DNAJC10: variants seen among roughly 807,000 people sequenced by gnomAD.
DNAJC10 encodes the protein DnaJ heat shock protein family (Hsp40) member C10, also known as endoplasmic reticulum disulfide reductase DNAJC10.
In DNAJC10, 101 loss-of-function variants were observed where a neutral mutation model predicts 115.0. That is an observed-to-expected ratio of 0.88 (90% CI 0.75 to 1.04). The LOEUF (loss-of-function observed/expected upper bound fraction) is 1.04. Ranked by LOEUF, DNAJC10 falls within the 50% of genes least tolerant of loss-of-function variation. The pLI is 0.00. For synonymous variants in DNAJC10, 307 were observed against 301.5 expected, an observed-to-expected ratio of 1.02 and a Z score of -0.19; for missense variants, 981 against 928.8, an observed-to-expected ratio of 1.06 and a Z score of -0.73.
chr2:182,740,355 A>T lies in DNAJC10; in HGVS notation c.1044A>T (p.Pro348=). 6.4e-7 allele frequency: 1 copy of T among 1,569,982 alleles called. No individual in the cohort carries two copies. The highest frequency in any genetic ancestry group is 1.3e-5 in the South Asian group (1 of 79,830). Residue 348 remains proline (P), a synonymous_variant, in exon 12 of 24, where the codon CCA becomes CCT. Coordinates refer to ENST00000264065, the MANE Select transcript of DNAJC10 (RefSeq NM_018981.4). ...ATTTGGAAGTAATACATAATCTTCC[A>T]GATTTTGAACTACTTTCGGCAAACA... ...EIYLEVIHNL[P]DFELLSANTL...
chr2:182,743,763 G>C, intron 14 of DNAJC10, 51 bp downstream of exon 14: 1 of 1,305,208 alleles, frequency 7.7e-7, no homozygotes, highest in Middle Eastern at 1.9e-4. Context: ...TTTTCAAATA[G>C]AAGTTTTCTA....
chr2:182,762,635 T>C (rs755747013), intron 21 of DNAJC10, 47 bp from the exon 22 acceptor site: 31 of 1,600,040 alleles, frequency 1.9e-5, no homozygotes, highest in Middle Eastern at 3.3e-4. Context: ...GTTGCCAAAA[T>C]AGTTTATGCC....
At chr2:182,751,891 C>G in intron 15 of DNAJC10, 106 bp downstream of exon 15, 4 of 1,428,966 alleles carry the variant, frequency 2.8e-6, no homozygotes, top group Non-Finnish European at 3.8e-6. Context: ...AAAACTGTGT[C>G]ATTCCATTAT....
intron 13 of DNAJC10, among the ~76,000 whole-genome samples, chr2:182,742,434 CCCA>C (rs1559008769): frequency 6.6e-6 from 1 of 152,200 alleles, no homozygotes. Context: ...AGGTGATCCA[CCCA>C]CCTCAGCCTC....
intron 16 of DNAJC10, chr2:182,752,567 G>C (rs1326154962): frequency 1.1e-6 from 1 of 938,310 alleles, no homozygotes; most frequent in Non-Finnish European, 1.3e-6. Context: ...CTGGAAAGAA[G>C]TTAAAACAAT....
intron 22 of DNAJC10, among the ~76,000 whole-genome samples, 200 bp from the exon 23 acceptor site, chr2:182,775,116 C>G (rs902299776): frequency 6.8e-6 from 1 of 147,960 alleles, no homozygotes; most frequent in Admixed American, 6.8e-5. Flanking sequence ...TTCCGTGACA[C>G]TATTATTAGT....
At chr2:182,748,853 G>T (rs1487062224) in intron 14 of DNAJC10, among the ~76,000 whole-genome samples, 1 of 151,820 alleles carries the variant, frequency 6.6e-6, no homozygotes, top group Non-Finnish European at 1.5e-5. Context: ...GTGGTATGTT[G>T]TGTCTTTGTT....
At chr2:182,755,955 C>A (rs1694146360) in intron 17 of DNAJC10, among the ~76,000 whole-genome samples, 1 of 152,010 alleles carries the variant, frequency 6.6e-6, no homozygotes, top group Non-Finnish European at 1.5e-5. Flanking sequence ...GAGCAAAATC[C>A]AAACTTAAAA....
chr2:182,769,262 T>C (rs1451260616), intron 22 of DNAJC10, among the ~76,000 whole-genome samples: 2 of 152,172 alleles, frequency 1.3e-5, no homozygotes, highest in Admixed American at 1.3e-4. Context: ...TCTTTGCTAT[T>C]GTGAATAGTG....
intron 14 of DNAJC10, among the ~76,000 whole-genome samples, chr2:182,746,558 T>C (rs1693872279): frequency 6.6e-6 from 1 of 152,202 alleles, no homozygotes; most frequent in Non-Finnish European, 1.5e-5. Flanking sequence ...GTTCATGTCC[T>C]TCGCCCACTT....
chr2:182,763,414 G>A (rs767139642), intron 22 of DNAJC10, among the ~76,000 whole-genome samples: 36 of 152,002 alleles, frequency 2.4e-4, no homozygotes, highest in Non-Finnish European at 4.9e-4. Flanking sequence ...CCAGCTGAAC[G>A]GGGGCAAGAT....
rs575438681 is a variant in DNAJC10 at position 182,739,724 on chromosome 2, T to A, written c.988-575T>A. ...AGATAAGATCTGTATCATTGTATTT[T>A]ACTCTAAAAACTCCTAAGTGGTTTG... On this transcript the variant is annotated intron_variant, in intron 11 of 23. Coordinates refer to ENST00000264065, the MANE Select transcript of DNAJC10 (RefSeq NM_018981.4). The A allele has an allele frequency of 7.3e-4, 740 of 1,006,838 alleles. 3 individuals are homozygous for A. Among genetic ancestry groups the A allele is most frequent in the Non-Finnish European group, 8.4e-4 (705 of 842,146 alleles). The allele number at this position is 1,006,838 out of a possible 1,614,324, so 62.4% of individuals were successfully genotyped here. A position where few individuals can be genotyped will look rare whatever the true frequency, so the allele number is the denominator to read the frequency against.
intron 2 of DNAJC10, 108 bp from the exon 3 acceptor site, chr2:182,717,833 T>C: frequency 3.5e-6 from 1 of 287,774 alleles, no homozygotes; most frequent in Non-Finnish European, 6.4e-6. Context: ...TTCACACTGA[T>C]TTGCCATTTA....
intron 17 of DNAJC10, 90 bp from the exon 18 acceptor site, chr2:182,756,224 A>G: frequency 9.3e-7 from 1 of 1,077,658 alleles, no homozygotes. Context: ...TTTGGATAAG[A>G]GATACTCAAC....
intron 22 of DNAJC10, 143 bp downstream of exon 22, chr2:182,762,944 A>G (rs1376032275): frequency 4.3e-6 from 4 of 929,714 alleles, no homozygotes; most frequent in Non-Finnish European, 6.0e-6. Flanking sequence ...AGTTTTTAAA[A>G]TTTACATGTA....
chr2:182,741,785 T>C (rs16823649), intron 13 of DNAJC10, among the ~76,000 whole-genome samples: 4,142 of 152,266 alleles, frequency 0.027, 77 homozygotes, highest in East Asian at 0.1. Flanking sequence ...TATATAACCA[T>C]TTAAACATTT....
At position 182,718,011 on chromosome 2, in the gene DNAJC10, A is replaced by T; in HGVS notation, c.-76A>T. On this transcript the variant is annotated 5_prime_UTR_variant, in exon 3 of 24. Coordinates refer to ENST00000264065, the MANE Select transcript of DNAJC10 (RefSeq NM_018981.4). ...AAGTAATGTAGACAGAAGTTCTCAAATTTGCATATTACATCAACTGGAACC... is the reference window on the plus strand; with the variant it reads ...AAGTAATGTAGACAGAAGTTCTCAATTTTGCATATTACATCAACTGGAACC... 9.0e-7 allele frequency: 1 copy of T among 1,113,140 alleles called. No homozygotes were observed. The highest frequency in any genetic ancestry group is 1.7e-5 in the South Asian group (1 of 57,782). The allele number at this position is 1,113,140 out of a possible 1,614,324, so 69.0% of individuals were successfully genotyped here.
At chr2:182,718,717 T>C (rs1693064068) in intron 3 of DNAJC10, among the ~76,000 whole-genome samples, 1 of 152,232 alleles carries the variant, frequency 6.6e-6, no homozygotes, top group South Asian at 2.1e-4. Flanking sequence ...TTTGACTGTT[T>C]TCTTCTGTGT....
In DNAJC10 at chr2:182,756,343, T is replaced by C. The variant is rs780139258; in HGVS notation, c.1683T>C (p.Leu561=). 29 of 1,613,860 alleles carry C rather than the reference T, an allele frequency of 1.8e-5. No individual in the cohort carries two copies. In the East Asian group the frequency reaches 6.0e-4, roughly 33 times the overall value. Reference sequence around the variant, plus strand: ...TTATGAATCCTTCAGTGGTCTCCCTTACACCCACCACCTTCAACGAACTAG... The same window carrying C: ...TTATGAATCCTTCAGTGGTCTCCCTCACACCCACCACCTTCAACGAACTAG... The part of the protein sequence containing the change: ...EDLMNPSVVS[L]TPTTFNELVT... The change falls in exon 18 of 24, where the codon CTT becomes CTC. Residue 561 remains leucine, a synonymous_variant. Transcript: ENST00000264065.
Sources: gnomAD v4.1 joint callset for allele counts (sites outside exome capture counted in the v4.1 genomes callset) on GRCh38, gnomAD v4.1.1 for gene constraint, MANE v1.5 for transcripts, NCBI Gene and HGNC (gene_info 2026-07-23, HGNC 2026-07-21) for gene names.